PKM: variants seen among roughly 807,000 people sequenced by gnomAD.
PKM encodes pyruvate kinase PKM.
PKM carries 18 observed loss-of-function variants against 49.8 expected under a neutral mutation model. That is an observed-to-expected ratio of 0.36 (90% CI 0.25 to 0.54). The LOEUF (loss-of-function observed/expected upper bound fraction) is 0.54, where lower values mean the gene tolerates loss of function less well. Among genes scored for constraint, PKM ranks in the 20% least tolerant of loss-of-function variants. The pLI is 0.89. For missense variants in PKM, 508 were observed against 713.8 expected (o/e 0.71, Z 3.28); for synonymous variants, 239 against 261.8 (o/e 0.91, Z 0.84).
intron 1 of PKM, among the ~76,000 whole-genome samples, chr15:72,223,522 C>A (rs1382541575): frequency 1.3e-5 from 2 of 152,164 alleles, no homozygotes; most frequent in African/African-American, 4.8e-5. Flanking sequence ...CTCTTCCGAA[C>A]ACCTGCATCC....
chr15:72,218,968 T>G lies in PKM; in HGVS notation c.130A>C (p.Asn44His). ...CCAATGGTACAGATGATGCCAGTGTTCCGGGCTGTGATGGGTGGTGAATCA... is the reference window on the plus strand; with the variant it reads ...CCAATGGTACAGATGATGCCAGTGTGCCGGGCTGTGATGGGTGGTGAATCA... Reference protein sequence around the residue: ...DIDSPPITARNTGIICTIGPA... With the variant: ...DIDSPPITARHTGIICTIGPA... Residue 44 changes from asparagine to histidine, a missense_variant, in exon 2 of 11, where the codon AAC (asparagine) becomes CAC (histidine). Asn to His is a moderately conservative substitution (Grantham distance 68). Coordinates refer to ENST00000335181, the MANE Select transcript of PKM (RefSeq NM_002654.6). 1 of 1,614,202 alleles carries G rather than the reference T, an allele frequency of 6.2e-7. No homozygotes were observed.
intron 1 of PKM, among the ~76,000 whole-genome samples, chr15:72,226,993 C>G (rs887812330): frequency 6.6e-6 from 1 of 152,252 alleles, no homozygotes; most frequent in African/African-American, 2.4e-5. Context: ...GAAGGCCCAG[C>G]AGATGCTGCA....
rs894889658 is a variant in PKM at position 72,202,243 on chromosome 15, G to A, written c.1307+211C>T. 1.5e-5 allele frequency: 9 copies of A among 597,544 alleles called. No individual in the cohort carries two copies. Among genetic ancestry groups the A allele is most frequent in the African/African-American group, 3.7e-5 (2 of 53,792 alleles). The allele number at this position is 597,544 out of a possible 1,614,324, so 37.0% of individuals were successfully genotyped here. A position where few individuals can be genotyped will look rare whatever the true frequency, so the allele number is the denominator to read the frequency against. ...GCATAAATTTGCTTTTGATCCAAAT[G>A]TTCTGACATTCCTTATGAGTGCTAC... On this transcript the variant is annotated intron_variant, in intron 9 of 10. Transcript: ENST00000335181. This position sits in a 1 kb window ranked among gnomAD's most constrained non-coding sequence, Gnocchi z 4.5.
chr15:72,224,167 G>T (rs1196518329), intron 1 of PKM, among the ~76,000 whole-genome samples: 2 of 152,306 alleles, frequency 1.3e-5, no homozygotes, highest in East Asian at 3.9e-4. Context: ...GCAGAGAACT[G>T]GTTTCAGCCT....
At chr15:72,231,009 G>A (rs1175923715) in intron 1 of PKM, 107 bp downstream of exon 1, 2 of 1,247,038 alleles carry the variant, frequency 1.6e-6, no homozygotes, top group South Asian at 1.2e-5. Flanking sequence ...TGGATCCTGC[G>A]CCGCCCTGCC....
In PKM at chr15:72,200,472, A is replaced by G; in HGVS notation, c.1489+2T>C. Reference sequence around the variant, plus strand: ...GCTCTAGCCCCTGCTCCAGCCACGTACCAACATTCATGGCAAAGTTCACCC... The same window carrying G: ...GCTCTAGCCCCTGCTCCAGCCACGTGCCAACATTCATGGCAAAGTTCACCC... On this transcript the variant is annotated splice_donor_variant, in intron 10 of 10. Coordinates refer to ENST00000335181, the MANE Select transcript of PKM (RefSeq NM_002654.6). LOFTEE classifies it high-confidence loss of function. This position sits in a 1 kb window ranked among gnomAD's most constrained non-coding sequence, Gnocchi z 4.6. 6.2e-7 allele frequency: 1 copy of G among 1,612,766 alleles called. No individual in the cohort carries two copies. The highest frequency in any genetic ancestry group is 8.5e-7 in the Non-Finnish European group (1 of 1,179,748).
chr15:72,228,525 G>T (rs2082750350), intron 1 of PKM: 1 of 615,982 alleles, frequency 1.6e-6, no homozygotes, highest in Admixed American at 2.4e-5. Flanking sequence ...ACTGAAAGGG[G>T]AGAAGGGACT....
intron 3 of PKM, among the ~76,000 whole-genome samples, chr15:72,214,586 A>T (rs1488014682): frequency 6.6e-6 from 1 of 152,150 alleles, no homozygotes; most frequent in Non-Finnish European, 1.5e-5. Context: ...ACTTGAGGTC[A>T]GGAATTCGAG....
At chr15:72,230,468 C>CAGAGAGGG (rs1228941125) in intron 1 of PKM, among the ~76,000 whole-genome samples, 2 of 152,142 alleles carry the variant, frequency 1.3e-5, no homozygotes, top group East Asian at 3.9e-4. Flanking sequence ...GCGACCAGAG[C>CAGAGAGGG]AGAGAGGGAG....
chr15:72,208,522 A>G lies in PKM; in HGVS notation c.836+99T>C. ...GTTTGGAACTGGCTTGGGAGTCTAC[A>G]TTCTGATGGGCTAGGGGCTGGGAAT... is the stretch of plus-strand genomic sequence containing the variant. On this transcript the variant is annotated intron_variant, in intron 6 of 10. Transcript: ENST00000335181. The G allele has an allele frequency of 3.0e-6, 4 of 1,313,894 alleles. No individual in the cohort carries two copies. The South Asian group carries it at 4.8e-5, about 16-fold the overall frequency. The allele number at this position is 1,313,894 out of a possible 1,614,324, so 81.4% of individuals were successfully genotyped here. A position where few individuals can be genotyped will look rare whatever the true frequency, so the allele number is the denominator to read the frequency against.
chr15:72,200,384 C>G lies in PKM; in HGVS notation c.1489+90G>C. The G allele has an allele frequency of 8.0e-7, 1 of 1,243,012 alleles. No individual in the cohort carries two copies. The highest frequency in any genetic ancestry group is 1.5e-5 in the African/African-American group (1 of 67,856). The allele number at this position is 1,243,012 out of a possible 1,614,324, so 77.0% of individuals were successfully genotyped here. A position where few individuals can be genotyped will look rare whatever the true frequency, so the allele number is the denominator to read the frequency against. ...CACTAAGGTCTGTGTGTTCCCCTTT[C>G]TATTCCCCAAACTTTCGGGGTCCCA... On this transcript the variant is annotated intron_variant, in intron 10 of 10. Transcript: ENST00000335181. The surrounding 1 kb of genome is among the most constrained non-coding windows in gnomAD (Gnocchi z 4.6).
In PKM at chr15:72,203,449, G is replaced by A; in HGVS notation, c.1141-829C>T. ...AGGATTTTTTCATTGGGGGTGGAGG[G>A]AGACAATCTGGCAGTAGGCTCTAGC... On this transcript the variant is annotated intron_variant, in intron 8 of 10. Coordinates refer to ENST00000335181, the MANE Select transcript of PKM (RefSeq NM_002654.6). The A allele has an allele frequency of 1.2e-5, 6 of 514,030 alleles. No individual in the cohort carries two copies. The South Asian group carries it at 1.2e-4, about 11-fold the overall frequency. The allele number at this position is 514,030 out of a possible 1,614,324, so 31.8% of individuals were successfully genotyped here.
In PKM at chr15:72,202,650, G is replaced by A. The variant is rs763854392; in HGVS notation, c.1141-30C>T. 27 of 1,593,728 alleles carry A rather than the reference G, an allele frequency of 1.7e-5. No homozygotes were observed. Among genetic ancestry groups the A allele is most frequent in the African/African-American group, 1.2e-4 (9 of 74,464 alleles). ...GGGAGCAACATCCGTCCAGAGGGAC[G>A]AGAGGGGGACAGAGCTTTGTCAGAG... On this transcript the variant is annotated intron_variant, in intron 8 of 10. Coordinates refer to ENST00000335181, the MANE Select transcript of PKM (RefSeq NM_002654.6). The surrounding 1 kb of genome is among the most constrained non-coding windows in gnomAD (Gnocchi z 4.5).
At chr15:72,205,486 A>G (rs894477513) in intron 8 of PKM, among the ~76,000 whole-genome samples, 4 of 152,218 alleles carry the variant, frequency 2.6e-5, no homozygotes, top group African/African-American at 4.8e-5. Flanking sequence ...AAATATCCTT[A>G]GTCAAGTGTG....
intron 8 of PKM, 120 bp downstream of exon 8, chr15:72,206,608 A>C: frequency 1.0e-6 from 1 of 953,694 alleles, no homozygotes; most frequent in Non-Finnish European, 1.6e-6. Context: ...TGTAACTTGG[A>C]GGATAATGAA....
At chr15:72,228,051 G>C (rs2052713) in intron 1 of PKM, among the ~76,000 whole-genome samples, 96,491 of 152,092 alleles carry the variant, frequency 0.63, 31,900 homozygotes, top group Middle Eastern at 0.74. Flanking sequence ...GGTTCTTAAA[G>C]AGCTAATGAT....
intron 1 of PKM, among the ~76,000 whole-genome samples, chr15:72,226,018 G>A (rs1403132474): frequency 1.3e-5 from 2 of 152,140 alleles, no homozygotes; most frequent in East Asian, 1.9e-4. Context: ...TTTGCCCATC[G>A]GTGACATTTG....
Position 72,207,277 on chromosome 15 carries a change from C to T in PKM, c.837G>A (p.Arg279=). Residue 279 remains arginine, a splice_region_variant and synonymous_variant, in exon 7 of 11, where the codon AGG becomes AGA. Transcript: ENST00000335181. ...CACTGGCCTCCAGGATTTCATCAAA[C>T]CTGATGGACAAAGTTGGGGGGAGAG... The part of the protein sequence containing the change: ...SKIENHEGVR[R]FDEILEASDG... 2.5e-6 allele frequency: 4 copies of T among 1,613,984 alleles called. No homozygotes were observed. Among genetic ancestry groups the T allele is most frequent in the Non-Finnish European group, 3.4e-6 (4 of 1,179,870 alleles).
intron 1 of PKM, among the ~76,000 whole-genome samples, chr15:72,224,558 A>G (rs1025571908): frequency 2.6e-5 from 4 of 152,198 alleles, no homozygotes; most frequent in Non-Finnish European, 5.9e-5. Flanking sequence ...ACCACCCAGA[A>G]CTGACCATTA....
Sources: allele counts gnomAD v4.1 joint callset (sites outside exome capture counted in the v4.1 genomes callset), GRCh38; gene constraint gnomAD v4.1.1; non-coding constraint Gnocchi (gnomAD v3.1); transcripts MANE v1.5; gene names NCBI Gene and HGNC (gene_info 2026-07-23, HGNC 2026-07-21).